The following RNF216 variants were observed in gnomAD, a reference collection of about 807,000 sequenced individuals.
RNF216 encodes E3 ubiquitin-protein ligase RNF216.
RNF216 carries 72 observed loss-of-function variants against 110.8 expected under a neutral mutation model. The observed-to-expected ratio is 0.65, with a 90% CI of 0.54 to 0.79. RNF216 has a LOEUF of 0.79. RNF216 is among the 30% of genes least tolerant of loss of function. The pLI, the probability that RNF216 is intolerant of heterozygous loss-of-function variation, is 0.00. For missense variants in RNF216, 1,342 were observed against 1,141.2 expected, an observed-to-expected ratio of 1.18 and a Z score of -2.54; for synonymous variants, 495 against 407.5, an observed-to-expected ratio of 1.21 and a Z score of -2.59.
At chr7:5,652,609 T>C (rs1417795759) in intron 13 of RNF216, 99 bp from the exon 14 acceptor site, 16 of 784,604 alleles carry the variant, frequency 2.0e-5, no homozygotes, top group Admixed American at 4.1e-5. Context: ...TTACTTGGCT[T>C]GAATTCTTTC....
intron 7 of RNF216, among the ~76,000 whole-genome samples, chr7:5,728,507 G>A (rs1182024693): frequency 2.6e-5 from 4 of 151,958 alleles, no homozygotes; most frequent in Admixed American, 6.6e-5. Context: ...TGGGGAGGCA[G>A]AGGCTGCAGT....
chr7:5,650,881 CAT>C (rs1788345506), intron 14 of RNF216, among the ~76,000 whole-genome samples: 1 of 152,196 alleles, frequency 6.6e-6, no homozygotes, highest in Non-Finnish European at 1.5e-5. Context: ...ACCTGTGCTG[CAT>C]ACTTGGGAAA....
In RNF216 at chr7:5,623,133, C is replaced by T; in HGVS notation, c.2499G>A (p.Glu833=). The T allele has an allele frequency of 6.3e-7, 1 of 1,593,030 alleles. No homozygotes were observed. The highest frequency in any genetic ancestry group is 8.6e-7 in the Non-Finnish European group (1 of 1,164,648). ...RIGPPLEKPV[E]KVQRVEALPR... is the part of the protein sequence containing the mutation. The stretch of plus-strand genomic sequence containing the variant: ...GGAGGGCCTCCACCCTCTGCACCTT[C>T]TCCACAGGCTTCTCCAGCGGGGGTC... Residue 833 remains glutamate, a synonymous_variant, in exon 17 of 17, where the codon GAG becomes GAA. Transcript: ENST00000389902.
chr7:5,655,705 A>G (rs767569201), intron 13 of RNF216, among the ~76,000 whole-genome samples: 2 of 152,166 alleles, frequency 1.3e-5, no homozygotes, highest in Non-Finnish European at 2.9e-5. Flanking sequence ...GGGGAGTTTA[A>G]CATTTGGAGC....
chr7:5,706,207 G>A (rs1008677252), intron 13 of RNF216, among the ~76,000 whole-genome samples: 2 of 130,354 alleles, frequency 1.5e-5, no homozygotes, highest in Admixed American at 8.5e-5. Flanking sequence ...GCAACACAGC[G>A]ACACTCCATC....
chr7:5,753,638 C>T (rs1315066322), intron 2 of RNF216, among the ~76,000 whole-genome samples: 1 of 152,092 alleles, frequency 6.6e-6, no homozygotes, highest in Non-Finnish European at 1.5e-5. Flanking sequence ...TACTGGGTAA[C>T]ACAAACTGGT....
Position 5,741,328 on chromosome 7 carries a change from A to G in RNF216, c.689T>C (p.Leu230Ser). 4.3e-6 allele frequency: 7 copies of G among 1,614,140 alleles called. No homozygotes were observed. Among genetic ancestry groups the G allele is most frequent in the Non-Finnish European group, 5.9e-6 (7 of 1,180,006 alleles). The change falls in exon 4 of 17, where the codon TTA (leucine) becomes TCA (serine). Residue 230 changes from leucine (L) to serine (S), a missense_variant. Physicochemically the swap from Leu to Ser is moderately radical, Grantham distance 145. Coordinates refer to ENST00000389902, the MANE Select transcript of RNF216 (RefSeq NM_207111.4). ...CAGAGACTGGAAGTAAGGATGATCT[A>G]ACCAGCAGTCTTCTTCGATGGCCTG... ...DDQAIEEDCW[L>S]DHPYFQSLNQ...
chr7:5,715,976 C>T (rs532257966), intron 10 of RNF216, among the ~76,000 whole-genome samples: 1 of 152,200 alleles, frequency 6.6e-6, no homozygotes, highest in East Asian at 1.9e-4. Flanking sequence ...CCCCTGACCT[C>T]GTGATGTGCC....
chr7:5,686,681 G>A (rs970170214), intron 13 of RNF216, among the ~76,000 whole-genome samples: 1 of 152,198 alleles, frequency 6.6e-6, no homozygotes. Flanking sequence ...GCTTTCAAAG[G>A]TAGCGCTATT....
At chr7:5,714,981 A>C (rs1792949525) in intron 11 of RNF216, 72 bp downstream of exon 11, 2 of 1,425,096 alleles carry the variant, frequency 1.4e-6, no homozygotes, top group Non-Finnish European at 9.5e-7. Context: ...ACTTACACTT[A>C]TCTATCAACA....
chr7:5,722,449 G>C (rs1793490561), intron 8 of RNF216, among the ~76,000 whole-genome samples: 1 of 150,962 alleles, frequency 6.6e-6, no homozygotes, highest in Non-Finnish European at 1.5e-5. Context: ...GGGTGCAGTG[G>C]TGCGATCTCG....
intron 14 of RNF216, chr7:5,650,054 A>G (rs1584377061): frequency 6.6e-6 from 1 of 152,340 alleles, no homozygotes; most frequent in East Asian, 1.9e-4. Flanking sequence ...CATGAATGCC[A>G]GAAGGTTAGA....
In RNF216 at chr7:5,765,271, G is replaced by A. The variant is rs184031984; in HGVS notation, c.-69-4133C>T. 4.3e-4 allele frequency among the ~76,000 whole-genome samples: 66 copies of A among 151,988 alleles called. 1 individual carries two copies. The highest frequency in any genetic ancestry group is 2.4e-3 in the Admixed American group (37 of 15,252). On this transcript the variant is annotated intron_variant, in intron 1 of 16. Coordinates refer to ENST00000389902, the MANE Select transcript of RNF216 (RefSeq NM_207111.4). ...AAGGTCAGGAGTTGAGACCAGCCTGGGCAACACAGTGAGGACTATCTATAC... is the reference window on the plus strand; with the variant it reads ...AAGGTCAGGAGTTGAGACCAGCCTGAGCAACACAGTGAGGACTATCTATAC...
chr7:5,762,679 G>A (rs916734104), intron 1 of RNF216, among the ~76,000 whole-genome samples: 2 of 151,570 alleles, frequency 1.3e-5, no homozygotes, highest in Admixed American at 6.6e-5. Flanking sequence ...ATGACAGAGC[G>A]AGACTCTGTC....
intron 13 of RNF216, among the ~76,000 whole-genome samples, chr7:5,669,228 T>C (rs867885259): frequency 1.3e-5 from 2 of 152,224 alleles, no homozygotes; most frequent in South Asian, 4.1e-4. Flanking sequence ...ACAAGATCTC[T>C]GATTCCGACA....
intron 1 of RNF216, among the ~76,000 whole-genome samples, chr7:5,775,636 G>A (rs570126142): frequency 9.9e-5 from 15 of 151,980 alleles, no homozygotes; most frequent in South Asian, 2.1e-4. Flanking sequence ...TTGAGAGGCC[G>A]AGGTGAGTGG....
At chr7:5,637,509 C>T (rs958131308) in intron 15 of RNF216, among the ~76,000 whole-genome samples, 1 of 152,326 alleles carries the variant, frequency 6.6e-6, no homozygotes, top group Non-Finnish European at 1.5e-5. Context: ...AGAGGACTCA[C>T]ATCTTTTCAA....
chr7:5,641,999 C>T (rs1315115399), intron 14 of RNF216, among the ~76,000 whole-genome samples: 2 of 144,586 alleles, frequency 1.4e-5, no homozygotes, highest in Non-Finnish European at 3.0e-5. Context: ...TGTCACTGCA[C>T]CCCAGCCTAT....
At chr7:5,715,659 G>T (rs766822024) in intron 10 of RNF216, among the ~76,000 whole-genome samples, 11 of 151,942 alleles carry the variant, frequency 7.2e-5, no homozygotes, top group East Asian at 5.8e-4. Context: ...TATAACTAAA[G>T]CAGCAACCTC....
Sources: gnomAD v4.1 joint callset for allele counts (sites outside exome capture counted in the v4.1 genomes callset) on GRCh38, gnomAD v4.1.1 for gene constraint, MANE v1.5 for transcripts, NCBI Gene and HGNC (gene_info 2026-07-23, HGNC 2026-07-21) for gene names.